KHDRBS1: variants seen among roughly 807,000 people sequenced by gnomAD.
KHDRBS1 encodes KH domain-containing, RNA-binding, signal transduction-associated protein 1.
Under a neutral mutation model 48.4 loss-of-function variants are expected in KHDRBS1, and 7 were observed. The ratio of observed to expected loss-of-function variants is 0.14; its 90% confidence interval spans 0.08 to 0.27. KHDRBS1 has a LOEUF of 0.27. KHDRBS1 is among the 10% of genes least tolerant of loss of function. The pLI is 1.00. For synonymous variants in KHDRBS1, 241 were observed against 235.8 expected, an observed-to-expected ratio of 1.02 and a Z score of -0.20; for missense variants, 458 against 601.2, an observed-to-expected ratio of 0.76 and a Z score of 2.49.
In KHDRBS1 at chr1:32,037,941, A is replaced by G. The variant is rs1192162833; in HGVS notation, c.1012A>G (p.Thr338Ala). Reference protein sequence around the residue: ...TVTRGVPPPPTVRGAPAPRAR... With the variant: ...TVTRGVPPPPAVRGAPAPRAR... ...GACTCGAGGCGTGCCACCCCCACCT[A>G]CTGTGAGGGGTGCTCCAGCACCAAG... is the stretch of plus-strand genomic sequence containing the variant. The change falls in exon 6 of 9, where the codon ACT (threonine) becomes GCT (alanine). Residue 338 changes from threonine to alanine, a missense_variant. Coordinates refer to ENST00000327300, the MANE Select transcript of KHDRBS1 (RefSeq NM_006559.3). 5 of 1,614,220 alleles carry G rather than the reference A, an allele frequency of 3.1e-6. No individual in the cohort carries two copies. The highest frequency in any genetic ancestry group is 1.7e-5 in the Admixed American group (1 of 60,034).
chr1:32,014,212 G>A lies in KHDRBS1; in HGVS notation c.217G>A (p.Gly73Ser). The change falls in exon 1 of 9, where the codon GGT (glycine) becomes AGT (serine). Residue 73 changes from glycine (G) to serine (S), a missense_variant. By Grantham distance (56) the Gly-to-Ser change is moderately conservative. Around this residue, in one of 3 missense-constraint regions of KHDRBS1, gnomAD observed 213 missense variants for 215.6 expected, o/e 0.99. Coordinates refer to ENST00000327300, the MANE Select transcript of KHDRBS1 (RefSeq NM_006559.3). ...PPPLLPPSAT[G>S]PDATVGGPAP... Reference sequence around the variant, plus strand: ...ACCGCTGCTGCCGCCCTCGGCCACGGGTCCCGACGCGACAGTGGGCGGGCC... The same window carrying A: ...ACCGCTGCTGCCGCCCTCGGCCACGAGTCCCGACGCGACAGTGGGCGGGCC... 6.9e-7 allele frequency: 1 copy of A among 1,452,930 alleles called. No individual in the cohort carries two copies. Among genetic ancestry groups the A allele is most frequent in the South Asian group, 1.4e-5 (1 of 72,254 alleles). 90.0% of individuals were successfully genotyped at this position (1,452,930 alleles called of 1,614,324 possible).
At chr1:32,057,383 G>A (rs370835709) in intron 10 of KHDRBS1, among the ~76,000 whole-genome samples, 1 of 151,880 alleles carries the variant, frequency 6.6e-6, no homozygotes, top group East Asian at 1.9e-4. Context: ...TGCCCAGGCT[G>A]GTTTCCAACT....
chr1:32,018,798 C>T (rs535808364), intron 1 of KHDRBS1, among the ~76,000 whole-genome samples: 9 of 150,906 alleles, frequency 6.0e-5, no homozygotes, highest in Admixed American at 3.3e-4. Context: ...AGGCCAGGTG[C>T]GGTGGCCCAT....
chr1:32,036,163 ATTTTTTTTTTT>A (rs397742842), intron 4 of KHDRBS1, among the ~76,000 whole-genome samples: 1 of 60,470 alleles, frequency 1.7e-5, no homozygotes, highest in African/African-American at 7.3e-5. Context: ...CATTTTGAAG[ATTTTTTTTTTT>A]TTTTTTTTTT....
Position 32,014,070 on chromosome 1 carries a change from T to C in KHDRBS1, c.75T>C (p.Gly25=). ...GTAGCGGCTCCATGGACCCCTCCGG[T>C]GCCCACCCCTCGGTGCGTCAGACGC... is the stretch of plus-strand genomic sequence containing the variant. ...SGRSGSMDPS[G]AHPSVRQTPS... Residue 25 remains glycine, a synonymous_variant, in exon 1 of 9, where the codon GGT becomes GGC. Coordinates refer to ENST00000327300, the MANE Select transcript of KHDRBS1 (RefSeq NM_006559.3). 1 of 1,491,458 alleles carries C rather than the reference T, an allele frequency of 6.7e-7. No homozygotes were observed. Among genetic ancestry groups the C allele is most frequent in the Admixed American group, 2.2e-5 (1 of 44,466 alleles). The allele number at this position is 1,491,458 out of a possible 1,614,324, so 92.4% of individuals were successfully genotyped here.
At chr1:32,017,601 T>C (rs1031660585) in intron 1 of KHDRBS1, among the ~76,000 whole-genome samples, 1 of 23,698 alleles carries the variant, frequency 4.2e-5, no homozygotes, top group African/African-American at 4.5e-4. Context: ...CTTTTTCTAC[T>C]TTTTTTTTTT....
intron 1 of KHDRBS1, among the ~76,000 whole-genome samples, chr1:32,023,674 C>T (rs999662571): frequency 6.6e-6 from 1 of 152,176 alleles, no homozygotes; most frequent in Non-Finnish European, 1.5e-5. Flanking sequence ...GGAAGCTCCT[C>T]CTTGATTTTT....
Position 32,043,200 on chromosome 1 carries a change from C to T in KHDRBS1, c.*576C>T, listed in dbSNP as rs1389175190. 1 of 152,038 alleles carries T rather than the reference C, an allele frequency of 6.6e-6. No individual in the cohort carries two copies. The allele number at this position is 152,038 out of a possible 1,614,324, so 9.4% of individuals were successfully genotyped here. ...ATGTTTCCTTTATAAAAGCACATGG[C>T]GGTTGAATCTTAAGGTTAAATTTTA... is the stretch of plus-strand genomic sequence containing the variant. On this transcript the variant is annotated 3_prime_UTR_variant, in exon 9 of 9. Transcript: ENST00000327300.
chr1:32,041,017 G>T (rs1232724275), intron 8 of KHDRBS1, among the ~76,000 whole-genome samples: 1 of 152,144 alleles, frequency 6.6e-6, no homozygotes, highest in Non-Finnish European at 1.5e-5. Context: ...GCAGTACAGT[G>T]GGGCCTCTGT....
chr1:32,058,208 C>T (rs952668130), intron 10 of KHDRBS1, among the ~76,000 whole-genome samples: 1 of 151,686 alleles, frequency 6.6e-6, no homozygotes, highest in African/African-American at 2.4e-5. Context: ...TCACCTCAGC[C>T]TCCAGAGTAG....
At chr1:32,032,186 G>T (rs577195672) in intron 3 of KHDRBS1, among the ~76,000 whole-genome samples, 1 of 152,030 alleles carries the variant, frequency 6.6e-6, no homozygotes, top group African/African-American at 2.4e-5. Context: ...TGCCATAGCC[G>T]CGTACGCTGT....
At chr1:32,057,490 T>C (rs564024847) in intron 10 of KHDRBS1, among the ~76,000 whole-genome samples, 80 of 151,486 alleles carry the variant, frequency 5.3e-4, no homozygotes, top group Admixed American at 1.7e-3. Flanking sequence ...CTTTTCTTTT[T>C]TTTTTTTTTT....
At chr1:32,030,255 C>A in intron 1 of KHDRBS1, 43 bp from the exon 2 acceptor site, 4 of 1,563,994 alleles carry the variant, frequency 2.6e-6, no homozygotes, top group Non-Finnish European at 3.5e-6. Flanking sequence ...TCAAAATTTG[C>A]ATTTATTTAC....
At chr1:32,058,345 C>G (rs1391195108) in intron 10 of KHDRBS1, among the ~76,000 whole-genome samples, 2 of 152,120 alleles carry the variant, frequency 1.3e-5, no homozygotes, top group African/African-American at 4.8e-5. Flanking sequence ...AGCAATCCTC[C>G]CATCTCGGCA....
rs540539325 is a variant in KHDRBS1, at chr1:32,050,180, A to T, written n.1301+4790A>T. ...CATATTTTCATGTGCTTGTTAGCCA[A>T]TTATATATCTTCTGTGGAAAAATGT... On this transcript the variant is annotated intron_variant and non_coding_transcript_variant, in intron 10 of 10. Coordinates refer to the KHDRBS1 transcript ENST00000484270. Among the ~76,000 whole-genome samples, 7 of 152,280 alleles carry T rather than the reference A, an allele frequency of 4.6e-5. No homozygotes were observed. In the East Asian group the frequency reaches 1.4e-3, roughly 29 times the overall value.
chr1:32,039,423 C>T (rs775686856), intron 7 of KHDRBS1, 92 bp from the exon 8 acceptor site: 11 of 763,346 alleles, frequency 1.4e-5, no homozygotes, highest in Non-Finnish European at 2.2e-5. Context: ...TATTAATACA[C>T]TTAGTAAAAT....
At chr1:32,036,803 TG>T in intron 4 of KHDRBS1, 106 bp from the exon 5 acceptor site, 1 of 1,231,316 alleles carries the variant, frequency 8.1e-7, no homozygotes, top group Non-Finnish European at 1.1e-6. Flanking sequence ...AGACCTCATC[TG>T]GGCTCTCAAG....
rs141947564 is a variant in KHDRBS1, at chr1:32,038,533, T to G, written c.1108-19T>G. ...TGATTTTGATCTTTTATTTCATTTT[T>G]TTGTTGTTGTTGTTCTAGGGATATG... On this transcript the variant is annotated intron_variant, in intron 6 of 8. Transcript: ENST00000327300. 12,459 of 1,611,690 alleles carry G rather than the reference T, an allele frequency of 7.7e-3. 72 individuals carry two copies. Among genetic ancestry groups the G allele is most frequent in the Non-Finnish European group, 9.8e-3 (11,521 of 1,178,960 alleles).
At chr1:32,055,619 C>T (rs1171456206) in intron 10 of KHDRBS1, among the ~76,000 whole-genome samples, 1 of 152,122 alleles carries the variant, frequency 6.6e-6, no homozygotes, top group Non-Finnish European at 1.5e-5. Flanking sequence ...GAGACAGCAG[C>T]TGCTTAGTGG....
Sources: allele counts gnomAD v4.1 joint callset (sites outside exome capture counted in the v4.1 genomes callset), GRCh38; gene constraint gnomAD v4.1.1; regional missense constraint gnomAD v4.1.1; transcripts MANE v1.5; gene names NCBI Gene and HGNC (gene_info 2026-07-23, HGNC 2026-07-21).